Variants in PTK2 observed in about 807,000 individuals in gnomAD.
The protein encoded by PTK2 is protein tyrosine kinase 2, also known as focal adhesion kinase 1.
PTK2 carries 45 observed loss-of-function variants against 150.1 expected under a neutral mutation model. That is an observed-to-expected ratio of 0.30 (90% CI 0.24 to 0.38). The LOEUF is 0.38. PTK2 is among the 10% of genes least tolerant of loss of function. The pLI, the probability that PTK2 is intolerant of heterozygous loss-of-function variation, is 1.00. For missense variants in PTK2, 919 were observed against 1,307.3 expected, an observed-to-expected ratio of 0.70 and a Z score of 4.58; for synonymous variants, 432 against 449.2, an observed-to-expected ratio of 0.96 and a Z score of 0.48.
At chr8:140,762,161 T>G (rs561316561) in intron 15 of PTK2, among the ~76,000 whole-genome samples, 1 of 152,156 alleles carries the variant, frequency 6.6e-6, no homozygotes, top group East Asian at 1.9e-4. Context: ...TATCAAATTA[T>G]AAACAACACA....
At chr8:140,860,879 A>G (rs1294443494) in intron 5 of PTK2, among the ~76,000 whole-genome samples, 4 of 152,236 alleles carry the variant, frequency 2.6e-5, no homozygotes, top group Non-Finnish European at 5.9e-5. Flanking sequence ...AGCACGGAAA[A>G]ACAACGACAT....
At chr8:140,798,297 ATTATT>A (rs1371469150) in intron 12 of PTK2, among the ~76,000 whole-genome samples, 1 of 152,224 alleles carries the variant, frequency 6.6e-6, no homozygotes, top group Non-Finnish European at 1.5e-5. Flanking sequence ...TGACTTTAAT[ATTATT>A]TTAACTAGGC....
At chr8:140,732,598 T>C (rs1264540051) in intron 22 of PTK2, 1 of 530,330 alleles carries the variant, frequency 1.9e-6, no homozygotes, top group South Asian at 1.4e-5. Context: ...CTCAAGGAGC[T>C]TCAGTCTAGT....
chr8:140,770,006 T>C (rs964678299), intron 14 of PTK2, among the ~76,000 whole-genome samples: 1 of 152,186 alleles, frequency 6.6e-6, no homozygotes, highest in African/African-American at 2.4e-5. Flanking sequence ...TTAATCTGTA[T>C]GTTTAGTTAC....
chr8:140,735,462 A>G lies in PTK2; in HGVS notation c.1826-7T>C. 6.2e-7 allele frequency: 1 copy of G among 1,613,516 alleles called. No homozygotes were observed. The highest frequency in any genetic ancestry group is 8.5e-7 in the Non-Finnish European group (1 of 1,179,448). ...ATCTCCCACATACACACACCTGTCAAGTGGGAATGAAAACACAACAGTGAG... is the reference window on the plus strand; with the variant it reads ...ATCTCCCACATACACACACCTGTCAGGTGGGAATGAAAACACAACAGTGAG... On this transcript the variant is annotated splice_polypyrimidine_tract_variant and splice_region_variant and intron_variant, in intron 21 of 31. Transcript: ENST00000522684.
At chr8:140,889,953 A>C (rs2100153668) in intron 3 of PTK2, among the ~76,000 whole-genome samples, 1 of 152,190 alleles carries the variant, frequency 6.6e-6, no homozygotes, top group South Asian at 2.1e-4. Flanking sequence ...TCTACGTTTA[A>C]AAGGTATTAT....
At chr8:140,811,546 G>C (rs2100101575) in intron 10 of PTK2, among the ~76,000 whole-genome samples, 1 of 152,092 alleles carries the variant, frequency 6.6e-6, no homozygotes, top group Non-Finnish European at 1.5e-5. Flanking sequence ...TCTCCAGCAA[G>C]GGTTCTGAAC....
At position 141,000,427 on chromosome 8, in the gene PTK2, G is replaced by C. The variant is rs1247947017; in HGVS notation, c.-122+698C>G. Among the ~76,000 whole-genome samples, 10 of 152,162 alleles carry C rather than the reference G, an allele frequency of 6.6e-5. 1 individual carries two copies. The highest frequency in any genetic ancestry group is 2.4e-4 in the African/African-American group (10 of 41,444). On this transcript the variant is annotated intron_variant, in intron 1 of 31. Transcript: ENST00000522684. The stretch of plus-strand genomic sequence containing the variant: ...TGGCTGCCCGCGAGGCCGCGCCCGG[G>C]GGACGGAGGTCGGGCCGTCGCGAGC...
rs954039125 is a variant in PTK2 at position 140,693,585 on chromosome 8, A to T, written c.2500-6891T>A. On this transcript the variant is annotated intron_variant, in intron 26 of 31. Coordinates refer to ENST00000522684, the Ensembl canonical transcript of PTK2. ...CAATTAAAAAAAAAAAAAAAAAAAA[A>T]AAAAAAAAAAAAAAAAAGGAGCACT... Among the ~76,000 whole-genome samples the T allele has an allele frequency of 1.9e-3, 267 of 141,294 alleles. 4 individuals are homozygous for T. Among genetic ancestry groups the T allele is most frequent in the East Asian group, 6.3e-3 (32 of 5,064 alleles). The allele number at this position is 141,294 out of a possible 152,430, so 92.7% of individuals were successfully genotyped here.
At chr8:140,664,943 G>A (rs751652904) in exon 31 of PTK2, 2 of 1,606,356 alleles carry the variant, frequency 1.2e-6, no homozygotes, top group African/African-American at 2.8e-5. Flanking sequence ...GCTGGTAGGA[G>A]GGGAATGGTC....
chr8:140,709,567 T>A (rs377580977), intron 23 of PTK2, among the ~76,000 whole-genome samples: 52 of 152,308 alleles, frequency 3.4e-4, no homozygotes, highest in Middle Eastern at 3.4e-3. Context: ...TCTCTGTGTC[T>A]CCCTATTGTC....
chr8:140,921,624 G>C (rs976663726), intron 2 of PTK2, among the ~76,000 whole-genome samples: 78 of 152,204 alleles, frequency 5.1e-4, no homozygotes, highest in African/African-American at 1.8e-3. Flanking sequence ...GTCATAGTAA[G>C]TGTATAAATT....
chr8:140,824,439 T>C (rs1400420103), intron 8 of PTK2, among the ~76,000 whole-genome samples: 1 of 152,170 alleles, frequency 6.6e-6, no homozygotes, highest in Non-Finnish European at 1.5e-5. Context: ...ACGATATCAT[T>C]CAGAGTTAGT....
At chr8:140,931,084 A>G (rs1428871910) in intron 1 of PTK2, among the ~76,000 whole-genome samples, 1 of 151,506 alleles carries the variant, frequency 6.6e-6, no homozygotes, top group African/African-American at 2.4e-5. Flanking sequence ...AAAAAAAAAA[A>G]AAAGAAAAAG....
chr8:140,752,346 C>T (rs1431087872), intron 16 of PTK2, 30 bp from the exon 20 acceptor site: 1 of 1,589,164 alleles, frequency 6.3e-7, no homozygotes, highest in Admixed American at 1.7e-5. Flanking sequence ...GAATCACACA[C>T]ACATGCAAAA....
At chr8:140,795,399 T>G (rs1296199958) in intron 12 of PTK2, among the ~76,000 whole-genome samples, 1 of 152,098 alleles carries the variant, frequency 6.6e-6, no homozygotes, top group Non-Finnish European at 1.5e-5. Context: ...CAGGCATGCT[T>G]CCTAGCACTC....
intron 10 of PTK2, among the ~76,000 whole-genome samples, chr8:140,815,290 T>C (rs1275790066): frequency 1.3e-5 from 2 of 151,958 alleles, no homozygotes; most frequent in African/African-American, 4.8e-5. Context: ...CCATTATCTT[T>C]AGCAAAATAA....
chr8:140,978,891 T>A (rs910328337), intron 1 of PTK2, among the ~76,000 whole-genome samples: 1 of 151,888 alleles, frequency 6.6e-6, no homozygotes, highest in Middle Eastern at 3.4e-3. Flanking sequence ...TGGATTAAGA[T>A]AATGTGGCAC....
chr8:140,961,826 C>A (rs2100183302), intron 1 of PTK2, among the ~76,000 whole-genome samples: 2 of 152,044 alleles, frequency 1.3e-5, no homozygotes, highest in African/African-American at 4.8e-5. Context: ...GCAAAGGTTT[C>A]TTTTATAGGT....
Sources: allele counts gnomAD v4.1 joint callset (sites outside exome capture counted in the v4.1 genomes callset), GRCh38; gene constraint gnomAD v4.1.1; transcripts MANE v1.5; gene names NCBI Gene and HGNC (gene_info 2026-07-23, HGNC 2026-07-21).